IL1RAPL2: variants seen among roughly 807,000 people sequenced by gnomAD.
IL1RAPL2 encodes the protein interleukin 1 receptor accessory protein like 2, also known as X-linked interleukin-1 receptor accessory protein-like 2.
IL1RAPL2 carries 3 observed loss-of-function variants against 44.1 expected under a neutral mutation model. The observed-to-expected ratio is 0.07, with a 90% CI of 0.03 to 0.18. The LOEUF is 0.18. Among genes scored for constraint, IL1RAPL2 ranks in the 10% least tolerant of loss-of-function variants. The probability of loss-of-function intolerance (pLI) is 1.00; values close to 1 mark genes in which losing one functional copy is unlikely to be tolerated. For synonymous variants in IL1RAPL2, 181 were observed against 178.8 expected, an observed-to-expected ratio of 1.01 and a Z score of -0.10; for missense variants, 391 against 496.4, an observed-to-expected ratio of 0.79 and a Z score of 2.02.
chrX:105,105,700 G>A (rs1229465299), intron 2 of IL1RAPL2, among the ~76,000 whole-genome samples: 1 of 112,265 alleles, frequency 8.9e-6, no homozygotes, highest in East Asian at 2.8e-4. Context: ...TTTTCTCAGT[G>A]ACTTTGAAAT....
At chrX:105,199,265 C>A (rs1012613741) in intron 3 of IL1RAPL2, among the ~76,000 whole-genome samples, 1 of 108,487 alleles carries the variant, frequency 9.2e-6, no homozygotes, top group African/African-American at 3.3e-5. Context: ...TTTCAGTTGG[C>A]TCATTTGTCC....
intron 2 of IL1RAPL2, among the ~76,000 whole-genome samples, chrX:104,724,611 A>T (rs1421990504): frequency 9.0e-6 from 1 of 111,512 alleles, no homozygotes; most frequent in East Asian, 2.8e-4. Flanking sequence ...ATGTGTAATG[A>T]AACTGGAGAG....
At chrX:105,074,837 CTGTT>C (rs1221828096) in intron 2 of IL1RAPL2, among the ~76,000 whole-genome samples, 4 of 109,333 alleles carry the variant, frequency 3.7e-5, no homozygotes, top group Non-Finnish European at 5.7e-5. Flanking sequence ...ATTTGGCTCT[CTGTT>C]TGTCTGTTAT....
chrX:104,843,726 C>T (rs774109971), intron 2 of IL1RAPL2, among the ~76,000 whole-genome samples: 11 of 109,083 alleles, frequency 1.0e-4, no homozygotes, highest in Non-Finnish European at 1.5e-4. Context: ...GTTGCACCCA[C>T]TGCCTAACCA....
At chrX:104,598,362 A>T (rs1928808683) in intron 1 of IL1RAPL2, among the ~76,000 whole-genome samples, 1 of 111,818 alleles carries the variant, frequency 8.9e-6, no homozygotes, top group Non-Finnish European at 1.9e-5. Context: ...TGGCATGAAA[A>T]CTACTCTCAG....
chrX:104,939,389 C>T, intron 2 of IL1RAPL2, among the ~76,000 whole-genome samples: 1 of 111,525 alleles, frequency 9.0e-6, no homozygotes, highest in Non-Finnish European at 1.9e-5. Flanking sequence ...TTCATAAATC[C>T]TTTAGTTGGG....
chrX:105,151,945 C>G (rs2033231577), intron 2 of IL1RAPL2, among the ~76,000 whole-genome samples: 1 of 110,985 alleles, frequency 9.0e-6, no homozygotes, highest in African/African-American at 3.3e-5. Flanking sequence ...CTGAACTAAG[C>G]TATGAGGATA....
intron 6 of IL1RAPL2, among the ~76,000 whole-genome samples, chrX:105,485,209 T>C (rs2036257292): frequency 8.9e-6 from 1 of 111,917 alleles, no homozygotes; most frequent in Non-Finnish European, 1.9e-5. Flanking sequence ...ATATATGATT[T>C]GTTGATATTT....
chrX:104,662,695 T>A (rs1437240203), intron 2 of IL1RAPL2, among the ~76,000 whole-genome samples: 1 of 111,648 alleles, frequency 9.0e-6, no homozygotes, highest in African/African-American at 3.3e-5. Flanking sequence ...CTGAAAAACG[T>A]CCTCAGAATA....
intron 5 of IL1RAPL2, among the ~76,000 whole-genome samples, chrX:105,418,030 C>T (rs1290063244): frequency 9.0e-6 from 1 of 111,606 alleles, no homozygotes; most frequent in Non-Finnish European, 1.9e-5. Context: ...TCCCTCTCTC[C>T]TCTGCCCACT....
intron 2 of IL1RAPL2, among the ~76,000 whole-genome samples, chrX:104,701,078 C>T (rs764005151): frequency 1.4e-4 from 16 of 111,307 alleles, no homozygotes; most frequent in East Asian, 2.8e-4. Flanking sequence ...AAAACTCAAA[C>T]TTCTTAGATG....
intron 2 of IL1RAPL2, among the ~76,000 whole-genome samples, chrX:105,158,945 C>T (rs1200016146): frequency 6.3e-5 from 7 of 111,750 alleles, no homozygotes; most frequent in Non-Finnish European, 1.3e-4. Context: ...GCTGTGCTTT[C>T]TACTGACCAT....
intron 5 of IL1RAPL2, among the ~76,000 whole-genome samples, chrX:105,381,000 T>C (rs1294841403): frequency 3.6e-5 from 4 of 111,449 alleles, no homozygotes; most frequent in Non-Finnish European, 5.7e-5. Context: ...TCTATATTTA[T>C]TGAGTGCTTG....
chrX:104,724,906 T>G (rs1298112914), intron 2 of IL1RAPL2, among the ~76,000 whole-genome samples: 1 of 111,617 alleles, frequency 9.0e-6, no homozygotes, highest in Non-Finnish European at 1.9e-5. Flanking sequence ...TAAATTATAC[T>G]TAAAGTTCTG....
At chrX:105,597,686 A>T (rs2037221617) in intron 6 of IL1RAPL2, among the ~76,000 whole-genome samples, 2 of 111,406 alleles carry the variant, frequency 1.8e-5, no homozygotes, top group African/African-American at 6.5e-5. Flanking sequence ...CACCCCTATG[A>T]TTCAATCACC....
intron 6 of IL1RAPL2, among the ~76,000 whole-genome samples, chrX:105,698,917 A>G (rs1192984833): frequency 8.9e-6 from 1 of 111,817 alleles, no homozygotes; most frequent in African/African-American, 3.2e-5. Context: ...TAGAGGAACT[A>G]TTGAATTCCC....
At chrX:105,605,159 G>A (rs748692291) in intron 6 of IL1RAPL2, among the ~76,000 whole-genome samples, 82 of 111,031 alleles carry the variant, frequency 7.4e-4, no homozygotes, top group African/African-American at 2.6e-3. Context: ...AAATCAAATT[G>A]TACCAGTTTG....
chrX:105,023,157 C>T (rs1444224766), intron 2 of IL1RAPL2, among the ~76,000 whole-genome samples: 1 of 110,755 alleles, frequency 9.0e-6, no homozygotes, highest in East Asian at 2.9e-4. Flanking sequence ...GACTGTGAGT[C>T]CTTTGAAAGT....
intron 1 of IL1RAPL2, among the ~76,000 whole-genome samples, chrX:104,627,339 G>A (rs749965741): frequency 1.3e-5 from 1 of 75,223 alleles, no homozygotes; most frequent in African/African-American, 5.1e-5. Context: ...GTTGTGGGGT[G>A]GGGGGAGGGG....
Sources: allele counts gnomAD v4.1 joint callset (sites outside exome capture counted in the v4.1 genomes callset), GRCh38; gene constraint gnomAD v4.1.1; transcripts MANE v1.5; gene names NCBI Gene and HGNC (gene_info 2026-07-23, HGNC 2026-07-21).